ANK2: variants seen among roughly 807,000 people sequenced by gnomAD.
ANK2 encodes the protein ankyrin-2.
ANK2 carries 83 observed loss-of-function variants against 360.5 expected under a neutral mutation model. That is an observed-to-expected ratio of 0.23 (90% confidence interval 0.19 to 0.28). The LOEUF (loss-of-function observed/expected upper bound fraction) is 0.28. ANK2 is among the 10% of genes least tolerant of loss of function. The pLI, the probability that ANK2 is intolerant of heterozygous loss-of-function variation, is 1.00. For missense variants in ANK2, 4,201 were observed against 4,795.7 expected, an observed-to-expected ratio of 0.88 and a Z score of 3.66; for synonymous variants, 1,740 against 1,759.5, an observed-to-expected ratio of 0.99 and a Z score of 0.28.
intron 1 of ANK2, among the ~76,000 whole-genome samples, chr4:113,105,543 T>TA (rs1210585979): frequency 7.9e-5 from 12 of 152,190 alleles, no homozygotes; most frequent in Non-Finnish European, 1.6e-4. Flanking sequence ...TCCAAGATTA[T>TA]AAGAAACTAT....
intron 1 of ANK2, among the ~76,000 whole-genome samples, chr4:113,172,128 A>G (rs1288773504): frequency 6.6e-6 from 1 of 152,180 alleles, no homozygotes; most frequent in African/African-American, 2.4e-5. Context: ...GTTTCTAAGT[A>G]GTTCATCTCA....
intron 1 of ANK2, among the ~76,000 whole-genome samples, chr4:113,131,778 A>G (rs1234280011): frequency 6.6e-6 from 1 of 152,240 alleles, no homozygotes; most frequent in African/African-American, 2.4e-5. Context: ...ACTAAAGCAC[A>G]GTAGATTTAA....
rs150536846 is a variant in ANK2, at chr4:113,156,371, C to CTTTTTTTTTTTTTTTTTTTTTTTTTTT, written c.85-18035_85-18034insTTTTTTTTTTTTTTTTTTTTTTTTTTT. ...CGTATAGAGTATATGTAGAAAAATT[C>CTTTTTTTTTTTTTTTTTTTTTTTTTTT]TTTTTTTTTTGTTTTTGAGACAGAG... On this transcript the variant is annotated intron_variant, in intron 1 of 45. Coordinates refer to ENST00000357077, the MANE Select transcript of ANK2 (RefSeq NM_001148.6). Among the ~76,000 whole-genome samples, 19 of 128,472 alleles carry CTTTTTTTTTTTTTTTTTTTTTTTTTTT rather than the reference C, an allele frequency of 1.5e-4. 2 individuals are homozygous for CTTTTTTTTTTTTTTTTTTTTTTTTTTT. The highest frequency in any genetic ancestry group is 2.4e-4 in the Non-Finnish European group (15 of 61,490). 84.3% of individuals were successfully genotyped at this position (128,472 alleles called of 152,430 possible). A position where few individuals can be genotyped will look rare whatever the true frequency, so the allele number is the denominator to read the frequency against.
At chr4:112,928,058 C>T (rs957195891) in intron 2 of ANK2, among the ~76,000 whole-genome samples, 8 of 152,088 alleles carry the variant, frequency 5.3e-5, no homozygotes, top group Admixed American at 5.2e-4. Flanking sequence ...AAGAAGTACA[C>T]TTTTGGAATA....
chr4:113,364,310 A>G (rs772444094), intron 40 of ANK2, among the ~76,000 whole-genome samples: 1 of 152,238 alleles, frequency 6.6e-6, no homozygotes, highest in Non-Finnish European at 1.5e-5. Context: ...TTTTGTGACC[A>G]GAACATTGTT....
chr4:112,871,810 G>T (rs1297307070), intron 1 of ANK2, among the ~76,000 whole-genome samples: 7 of 152,128 alleles, frequency 4.6e-5, no homozygotes, highest in African/African-American at 1.2e-4. Flanking sequence ...CTAAGAAAGG[G>T]TGTTAGATTT....
At chr4:112,964,752 G>C (rs2154262651) in intron 2 of ANK2, among the ~76,000 whole-genome samples, 1 of 151,884 alleles carries the variant, frequency 6.6e-6, no homozygotes, top group Admixed American at 6.5e-5. Flanking sequence ...TGTATTTTTA[G>C]TAGAGACGGG....
chr4:113,051,119 C>A (rs1293580020), intron 1 of ANK2, among the ~76,000 whole-genome samples: 2 of 151,740 alleles, frequency 1.3e-5, no homozygotes, highest in Non-Finnish European at 2.9e-5. Flanking sequence ...CAGATCTAGA[C>A]CTTGAGGGCA....
intron 28 of ANK2, 40 bp downstream of exon 28, chr4:113,332,110 C>T: frequency 6.7e-7 from 1 of 1,486,554 alleles, no homozygotes; most frequent in Non-Finnish European, 9.4e-7. Context: ...TGCTGGCCCC[C>T]CATTCTTCTC....
intron 2 of ANK2, among the ~76,000 whole-genome samples, chr4:112,957,622 G>T (rs1199567416): frequency 6.7e-6 from 1 of 149,954 alleles, no homozygotes; most frequent in Admixed American, 6.6e-5. Context: ...CTCCCGGACG[G>T]GGCGGCTGGC....
intron 6 of ANK2, 58 bp from the exon 7 acceptor site, chr4:113,237,541 T>A: frequency 1.3e-6 from 2 of 1,526,614 alleles, no homozygotes; most frequent in East Asian, 4.5e-5. Flanking sequence ...ATTGACTGTT[T>A]CCATAATTTT....
chr4:113,170,515 AG>A (rs1256339879), intron 1 of ANK2, among the ~76,000 whole-genome samples: 3 of 152,220 alleles, frequency 2.0e-5, no homozygotes, highest in African/African-American at 7.2e-5. Context: ...ACTCACATAT[AG>A]GGTAGCCATG....
chr4:113,263,187 GAAAAAAAA>G, intron 13 of ANK2, among the ~76,000 whole-genome samples: 1 of 63,630 alleles, frequency 1.6e-5, no homozygotes, highest in Non-Finnish European at 3.1e-5. Flanking sequence ...GACTCTGTCT[GAAAAAAAA>G]AAAAAAAAAA....
chr4:113,021,184 T>G (rs1013050042), intron 2 of ANK2, among the ~76,000 whole-genome samples: 1 of 152,114 alleles, frequency 6.6e-6, no homozygotes, highest in African/African-American at 2.4e-5. Context: ...GGAAGGGCTT[T>G]TTTTTCTGTC....
At chr4:112,876,560 C>T (rs1297659309) in intron 1 of ANK2, among the ~76,000 whole-genome samples, 1 of 152,020 alleles carries the variant, frequency 6.6e-6, no homozygotes, top group East Asian at 1.9e-4. Context: ...CTTCCTCTGA[C>T]CCTACAGGAA....
intron 1 of ANK2, among the ~76,000 whole-genome samples, chr4:113,142,642 C>T (rs746901444): frequency 6.6e-6 from 1 of 151,928 alleles, no homozygotes; most frequent in Non-Finnish European, 1.5e-5. Flanking sequence ...TGGGACAGTG[C>T]TAATCATAGG....
chr4:113,235,354 A>G (rs2099363422), intron 5 of ANK2, among the ~76,000 whole-genome samples: 1 of 152,282 alleles, frequency 6.6e-6, no homozygotes, highest in Admixed American at 6.5e-5. Flanking sequence ...AAATTCAGTT[A>G]TTATTAAAAA....
chr4:112,975,818 G>T lies in ANK2; in HGVS notation c.21+71304G>T, dbSNP rs566619759. 2.6e-5 allele frequency among the ~76,000 whole-genome samples: 4 copies of T among 152,216 alleles called. No individual in the cohort carries two copies. In the South Asian group the frequency reaches 8.3e-4, roughly 32 times the overall value. On this transcript the variant is annotated intron_variant, in intron 2 of 30. Coordinates refer to the ANK2 transcript ENST00000503271. ...TATCATTTAAAATATCAGATTATTA[G>T]ATTAGAGCTCCAGTTCATTCCTTTT...
At chr4:112,826,705 T>C (rs2058482136) in intron 1 of ANK2, 1 of 859,752 alleles carries the variant, frequency 1.2e-6, no homozygotes, top group Non-Finnish European at 1.9e-6. Context: ...TAGAAGACAA[T>C]GCCAGTGAAC....
Sources: allele counts gnomAD v4.1 joint callset (sites outside exome capture counted in the v4.1 genomes callset), GRCh38; gene constraint gnomAD v4.1.1; transcripts MANE v1.5; gene names NCBI Gene and HGNC (gene_info 2026-07-23, HGNC 2026-07-21).